The following JMJD6 variants were observed in gnomAD, a reference collection of about 807,000 sequenced individuals.
JMJD6 encodes jumonji domain containing 6, arginine demethylase and lysine hydroxylase.
In JMJD6, 17 loss-of-function variants were observed where a neutral mutation model predicts 45.8. That is an observed-to-expected ratio of 0.37 (90% CI 0.25 to 0.56). JMJD6 has a LOEUF of 0.56. Ranked by LOEUF, JMJD6 falls within the 20% of genes least tolerant of loss-of-function variation. The pLI, the probability that JMJD6 is intolerant of heterozygous loss-of-function variation, is 0.79. For missense variants in JMJD6, 470 were observed against 517.5 expected (o/e 0.91, Z 0.89); for synonymous variants, 221 against 196.3 (o/e 1.13, Z -1.05).
chr17:76,724,289 T>G (rs987528745), intron 2 of JMJD6, among the ~76,000 whole-genome samples: 1 of 151,802 alleles, frequency 6.6e-6, no homozygotes, highest in Admixed American at 6.6e-5. Context: ...GCCTGGCTAA[T>G]TTTTGTATTT....
In JMJD6 at chr17:76,718,645, T is replaced by G; in HGVS notation, c.*84A>C. ...TTGGGCTCTGTCAGGCCTCCCCTTGTCTGCAGGACTGGACAGGCCACCCTC... is the reference window on the plus strand; with the variant it reads ...TTGGGCTCTGTCAGGCCTCCCCTTGGCTGCAGGACTGGACAGGCCACCCTC... On this transcript the variant is annotated 3_prime_UTR_variant, in exon 6 of 6. Coordinates refer to ENST00000397625, the MANE Select transcript of JMJD6 (RefSeq NM_015167.3). 6.5e-7 allele frequency: 1 copy of G among 1,529,642 alleles called. No individual in the cohort carries two copies. Among genetic ancestry groups the G allele is most frequent in the Non-Finnish European group, 8.8e-7 (1 of 1,141,330 alleles). The allele number at this position is 1,529,642 out of a possible 1,614,324, so 94.8% of individuals were successfully genotyped here.
chr17:76,721,336 G>A (rs980957346), intron 4 of JMJD6: 1 of 447,756 alleles, frequency 2.2e-6, no homozygotes, highest in East Asian at 6.9e-5. Context: ...TTGCACTGCC[G>A]CTGCCCGTGC....
chr17:76,725,144 C>G (rs1166025018), intron 2 of JMJD6, among the ~76,000 whole-genome samples: 1 of 152,160 alleles, frequency 6.6e-6, no homozygotes, highest in African/African-American at 2.4e-5. Context: ...CGCGGTGGCT[C>G]ACACCTGCAA....
Position 76,723,905 on chromosome 17 carries a change from T to A in JMJD6, c.672A>T (p.Glu224Asp). The A allele has an allele frequency of 1.2e-6, 2 of 1,614,084 alleles. No individual in the cohort carries two copies. Among genetic ancestry groups the A allele is most frequent in the South Asian group, 1.1e-5 (1 of 91,068 alleles). ...TAGCTTCGTCTTGCTGGTTCCCTCC[T>A]TCGTCTCGGGTCACTTTGATGAGTT... Reference protein sequence around the residue: ...PRELIKVTRDEGGNQQDEAIT... With the variant: ...PRELIKVTRDDGGNQQDEAIT... The change falls in exon 3 of 6, where the codon GAA (glutamate) becomes GAT (aspartate). Residue 224 changes from glutamate to aspartate, a missense_variant. By Grantham distance (45) the Glu-to-Asp change is conservative. This residue lies in a region of JMJD6 where 346 missense variants were observed against 339.5 expected (regional missense o/e 1.02). Transcript: ENST00000397625.
intron 1 of JMJD6, 93 bp from the exon 2 acceptor site, chr17:76,725,948 A>C: frequency 2.8e-6 from 4 of 1,416,572 alleles, no homozygotes; most frequent in Non-Finnish European, 3.7e-6. Flanking sequence ...GTAATGACAA[A>C]CCGAAGGAAG....
rs578095556 is a variant in JMJD6 at position 76,720,639 on chromosome 17, T to C, written c.942-141A>G. 363 of 739,822 alleles carry C rather than the reference T, an allele frequency of 4.9e-4. 2 individuals carry two copies. The Middle Eastern group carries it at 8.6e-3, about 18-fold the overall frequency. 45.8% of individuals were successfully genotyped at this position (739,822 alleles called of 1,614,324 possible). On this transcript the variant is annotated intron_variant, in intron 4 of 5. Transcript: ENST00000397625. ...GTTCAGAATGGATACTGTACAATGGTGAGGACAAAACCCCAGGCTGGGAAC... is the reference window on the plus strand; with the variant it reads ...GTTCAGAATGGATACTGTACAATGGCGAGGACAAAACCCCAGGCTGGGAAC...
downstream of JMJD6, chr17:76,716,732 A>G: frequency 1.2e-6 from 2 of 1,614,120 alleles, no homozygotes; most frequent in Non-Finnish European, 1.7e-6. Flanking sequence ...CCTGCCAAGG[A>G]AAGCACAACT....
intron 2 of JMJD6, among the ~76,000 whole-genome samples, chr17:76,725,138 G>T (rs948217988): frequency 6.6e-6 from 1 of 152,186 alleles, no homozygotes; most frequent in Non-Finnish European, 1.5e-5. Context: ...GCCGGGCGCG[G>T]TGGCTCACAC....
chr17:76,720,803 T>C (rs2076814199), intron 4 of JMJD6, among the ~76,000 whole-genome samples: 1 of 152,186 alleles, frequency 6.6e-6, no homozygotes, highest in Non-Finnish European at 1.5e-5. Flanking sequence ...TAGTCTTAGT[T>C]TTATTCCCTT....
Position 76,723,836 on chromosome 17 carries a change from G to A in JMJD6, c.741C>T (p.Thr247=), listed in dbSNP as rs2076860402. 6.2e-7 allele frequency: 1 copy of A among 1,614,068 alleles called. No individual in the cohort carries two copies. ...CCAGGGGTTTGAATTCAGGTGGCCA[G>A]GTTGGAAGCTGTGTCCGGGGATAAA... The part of the protein sequence containing the change: ...NVIYPRTQLP[T]WPPEFKPLEI... The change falls in exon 3 of 6, where the codon ACC becomes ACT. Residue 247 remains threonine, a synonymous_variant. Transcript: ENST00000397625.
In JMJD6 at chr17:76,725,419, A is replaced by AG. The variant is rs764621376; in HGVS notation, c.518+47_518+48insC. On this transcript the variant is annotated intron_variant, in intron 2 of 5. Transcript: ENST00000397625. ...GACGCTCTGTCTCAAAAAAAAAAAA[A>AG]AAAAAAAAAGAAAAGGATTTTAACC... 10 of 1,485,684 alleles carry AG rather than the reference A, an allele frequency of 6.7e-6. 1 individual carries two copies. The Admixed American group carries it at 2.0e-4, about 30-fold the overall frequency. 92.0% of individuals were successfully genotyped at this position (1,485,684 alleles called of 1,614,324 possible).
intron 5 of JMJD6, among the ~76,000 whole-genome samples, chr17:76,719,917 T>C (rs1663172338): frequency 6.6e-6 from 1 of 151,560 alleles, no homozygotes; most frequent in Non-Finnish European, 1.5e-5. Flanking sequence ...AAGTCAGGAG[T>C]TCGAGACCAG....
At position 76,724,065 on chromosome 17, in the gene JMJD6, A is replaced by G; in HGVS notation, c.519-7T>C. 6.2e-7 allele frequency: 1 copy of G among 1,612,312 alleles called. No individual in the cohort carries two copies. Among genetic ancestry groups the G allele is most frequent in the Non-Finnish European group, 8.5e-7 (1 of 1,178,586 alleles). The stretch of plus-strand genomic sequence containing the variant: ...TGGCCCCATCACAAACCACCTACAG[A>G]ATGGAGATATCCAAGATGTGAAGTG... On this transcript the variant is annotated splice_region_variant and splice_polypyrimidine_tract_variant and intron_variant, in intron 2 of 5. Transcript: ENST00000397625.
intron 4 of JMJD6, chr17:76,721,265 C>A: frequency 4.8e-6 from 2 of 419,782 alleles, no homozygotes; most frequent in South Asian, 1.6e-5. Flanking sequence ...TCTCTTACCC[C>A]GAGAGCTGGT....
intron 4 of JMJD6, 25 bp from the exon 5 acceptor site, chr17:76,720,523 C>T (rs746415835): frequency 1.2e-6 from 2 of 1,611,970 alleles, no homozygotes; most frequent in East Asian, 4.5e-5. Flanking sequence ...GTGTTGTTCT[C>T]AGTGCACTGA....
intron 1 of JMJD6, among the ~76,000 whole-genome samples, 182 bp from the exon 2 acceptor site, chr17:76,726,037 G>A (rs2076921191): frequency 6.6e-6 from 1 of 152,210 alleles, no homozygotes; most frequent in Admixed American, 6.5e-5. Flanking sequence ...CACCCCCCAT[G>A]AGCCTTGACA....
At chr17:76,712,868 AC>A (rs2076739315) in exon 7 of JMJD6, 2 of 152,362 alleles carry the variant, frequency 1.3e-5, no homozygotes, top group South Asian at 2.1e-4. Flanking sequence ...AAAATGATGA[AC>A]AAGTTTCACC....
intron 2 of JMJD6, among the ~76,000 whole-genome samples, chr17:76,724,676 G>A (rs559681840): frequency 2.0e-5 from 3 of 151,986 alleles, no homozygotes; most frequent in South Asian, 4.2e-4. Context: ...AATTAGCCGG[G>A]TGTGGTGGTG....
At chr17:76,716,743 G>A, downstream of JMJD6, 4 of 1,613,924 alleles carry the variant, frequency 2.5e-6, no homozygotes, top group Non-Finnish European at 3.4e-6. Flanking sequence ...AAGCACAACT[G>A]CCTGTAATCA....
Sources: gnomAD v4.1 joint callset for allele counts (sites outside exome capture counted in the v4.1 genomes callset) on GRCh38, gnomAD v4.1.1 for gene constraint, gnomAD v4.1.1 regional missense constraint, MANE v1.5 for transcripts, NCBI Gene and HGNC (gene_info 2026-07-23, HGNC 2026-07-21) for gene names.